ITGAM: variants seen among roughly 807,000 people sequenced by gnomAD.
The protein encoded by ITGAM is integrin alpha-M.
Under a neutral mutation model 137.5 loss-of-function variants are expected in ITGAM, and 79 were observed. The observed-to-expected ratio is 0.57, with a 90% CI of 0.48 to 0.69. The LOEUF (loss-of-function observed/expected upper bound fraction) is 0.69, where lower values mean the gene tolerates loss of function less well. Among genes scored for constraint, ITGAM ranks in the 30% least tolerant of loss-of-function variants. The pLI is 0.00. For synonymous variants in ITGAM, 583 were observed against 592.3 expected (o/e 0.98, Z 0.23); for missense variants, 1,343 against 1,483.5 (o/e 0.91, Z 1.56).
intron 12 of ITGAM, among the ~76,000 whole-genome samples, chr16:31,278,992 G>GT (rs1407317305): frequency 6.6e-6 from 1 of 152,064 alleles, no homozygotes; most frequent in East Asian, 1.9e-4. Context: ...GCAGTGTTTG[G>GT]TTTTCTGTGC....
chr16:31,299,574 G>C (rs1255834277), intron 14 of ITGAM, among the ~76,000 whole-genome samples: 1 of 152,188 alleles, frequency 6.6e-6, no homozygotes, highest in Middle Eastern at 3.4e-3. Flanking sequence ...CTCCCAAAGT[G>C]CTGGGATTAC....
chr16:31,308,591 C>CA (rs200124230), intron 14 of ITGAM, among the ~76,000 whole-genome samples: 8,380 of 151,964 alleles, frequency 0.055, 698 homozygotes, highest in African/African-American at 0.19. Flanking sequence ...CTGATCTTTT[C>CA]AAAAAAACCA....
chr16:31,307,500 A>G (rs548427361), intron 14 of ITGAM, among the ~76,000 whole-genome samples: 1 of 152,284 alleles, frequency 6.6e-6, no homozygotes, highest in East Asian at 1.9e-4. Flanking sequence ...TTGATTTTGT[A>G]TCCTGAGACT....
At chr16:31,279,228 T>G (rs1351799507) in intron 12 of ITGAM, among the ~76,000 whole-genome samples, 2 of 152,194 alleles carry the variant, frequency 1.3e-5, no homozygotes, top group Admixed American at 1.3e-4. Context: ...AGCAGCATGA[T>G]TTATAATTCT....
At chr16:31,299,339 T>C (rs2080171398) in intron 14 of ITGAM, among the ~76,000 whole-genome samples, 1 of 152,216 alleles carries the variant, frequency 6.6e-6, no homozygotes, top group South Asian at 2.1e-4. Context: ...GACAAAAGTT[T>C]CAGTCTGTCG....
At chr16:31,299,844 TCTCCTCCTC>T (rs148409269) in intron 14 of ITGAM, among the ~76,000 whole-genome samples, 2 of 110,308 alleles carry the variant, frequency 1.8e-5, no homozygotes, top group East Asian at 3.2e-4. Context: ...GTCGTCCTCC[TCTCCTCCTC>T]CTCCTCCTCC....
intron 5 of ITGAM, among the ~76,000 whole-genome samples, chr16:31,266,986 T>A (rs1231382897): frequency 6.6e-6 from 1 of 151,400 alleles, no homozygotes; most frequent in Non-Finnish European, 1.5e-5. Flanking sequence ...TCCTGCCCCA[T>A]CTTCCCAAGT....
chr16:31,329,367 T>A (rs769106185), intron 24 of ITGAM, 64 bp downstream of exon 24: 10 of 1,211,098 alleles, frequency 8.3e-6, no homozygotes, highest in Admixed American at 3.8e-5. Context: ...TGGTAGAAAA[T>A]GCAGAAACAG....
chr16:31,273,396 C>T lies in ITGAM; in HGVS notation c.736C>T (p.Arg246Ter), dbSNP rs770410338. The T allele has an allele frequency of 5.0e-6, 8 of 1,613,756 alleles. No individual in the cohort carries two copies. Among genetic ancestry groups the T allele is most frequent in the Admixed American group, 1.7e-5 (1 of 60,012 alleles). The change falls in exon 8 of 30, where the codon CGA (arginine) becomes TGA (stop). Residue 246 changes from arginine to a stop codon, truncating the protein, a stop_gained. Transcript: ENST00000544665. LOFTEE classifies it high-confidence loss of function. ...RELFNITNGA[R>*]KNAFKILVVI... Reference sequence around the variant, plus strand: ...GCTGTTTAACATCACCAACGGAGCCCGAAAGAATGCCTTTAAGATCCTAGT... The same window carrying T: ...GCTGTTTAACATCACCAACGGAGCCTGAAAGAATGCCTTTAAGATCCTAGT...
rs2080452066 is a variant in ITGAM at position 31,321,628 on chromosome 16, G to A, written c.2002+1G>A. ...AGCACACGGGATCGGCTAAGAGAAGGTGAGGCTTGGTGGATGAGTCTCAAG... is the reference window on the plus strand; with the variant it reads ...AGCACACGGGATCGGCTAAGAGAAGATGAGGCTTGGTGGATGAGTCTCAAG... On this transcript the variant is annotated splice_donor_variant, in intron 16 of 29. Transcript: ENST00000544665. LOFTEE classifies it high-confidence loss of function. 4 of 1,613,088 alleles carry A rather than the reference G, an allele frequency of 2.5e-6. No homozygotes were observed. Among genetic ancestry groups the A allele is most frequent in the Non-Finnish European group, 3.4e-6 (4 of 1,179,496 alleles).
chr16:31,328,609 G>C (rs984808070), intron 23 of ITGAM, among the ~76,000 whole-genome samples: 1 of 150,706 alleles, frequency 6.6e-6, no homozygotes, highest in African/African-American at 2.4e-5. Context: ...GAGGATCTAT[G>C]TGCATGTGTG....
chr16:31,275,681 A>G lies in ITGAM; in HGVS notation c.991A>G (p.Lys331Glu), dbSNP rs774005594. The G allele has an allele frequency of 3.7e-6, 6 of 1,613,680 alleles. No homozygotes were observed. In the South Asian group the frequency reaches 6.6e-5, roughly 18 times the overall value. Residue 331 changes from lysine to glutamate, a missense_variant, in exon 9 of 30, where the codon AAG (lysine) becomes GAG (glutamate). Lys to Glu is a moderately conservative substitution (Grantham distance 56). Coordinates refer to ENST00000544665, the MANE Select transcript of ITGAM (RefSeq NM_000632.4). Reference sequence around the variant, plus strand: ...GACCATTCAGAACCAGCTTCGGGAGAAGATCTTTGCGATCGAGGGTGAGTC... The same window carrying G: ...GACCATTCAGAACCAGCTTCGGGAGGAGATCTTTGCGATCGAGGGTGAGTC... ...LKTIQNQLRE[K>E]IFAIEGTQTG...
chr16:31,316,758 T>C lies in ITGAM; in HGVS notation c.1708-4483T>C, dbSNP rs147145934. Among the ~76,000 whole-genome samples, 493 of 152,320 alleles carry C rather than the reference T, an allele frequency of 3.2e-3. 5 individuals are homozygous for C. The highest frequency in any genetic ancestry group is 0.011 in the African/African-American group (458 of 41,562). On this transcript the variant is annotated intron_variant, in intron 14 of 29. Transcript: ENST00000544665. ...ATCCATAATATGGGATATCTTTCCATTGATTTTTGTCTTAACTTTCTTTCG... is the reference window on the plus strand; with the variant it reads ...ATCCATAATATGGGATATCTTTCCACTGATTTTTGTCTTAACTTTCTTTCG...
At position 31,297,628 on chromosome 16, in the gene ITGAM, G is replaced by T; in HGVS notation, c.1471G>T (p.Val491Leu). Reference protein sequence around the residue: ...HYYEQTRGGQVSVCPLPRGRA... With the variant: ...HYYEQTRGGQLSVCPLPRGRA... ...CTACGAGCAGACCCGAGGGGGCCAG[G>T]TGTCCGTGTGCCCCTTGCCCAGGGG... The change falls in exon 13 of 30, where the codon GTG becomes TTG. Residue 491 changes from valine to leucine, a missense_variant. Physicochemically the swap from Val to Leu is conservative, Grantham distance 32 (BLOSUM62 1). Coordinates refer to ENST00000544665, the MANE Select transcript of ITGAM (RefSeq NM_000632.4). 6.2e-7 allele frequency: 1 copy of T among 1,613,550 alleles called. No homozygotes were observed. The highest frequency in any genetic ancestry group is 8.5e-7 in the Non-Finnish European group (1 of 1,179,948).
chr16:31,284,259 G>A (rs967282119), intron 12 of ITGAM, among the ~76,000 whole-genome samples: 1 of 152,230 alleles, frequency 6.6e-6, no homozygotes. Context: ...AAAGCTGTCA[G>A]ACAGGGACAT....
chr16:31,325,111 G>T, intron 19 of ITGAM, 80 bp downstream of exon 19: 2 of 1,481,594 alleles, frequency 1.3e-6, no homozygotes, highest in East Asian at 2.3e-5. Context: ...GGCCCCCAAG[G>T]GAGCCGGGTG....
At chr16:31,320,264 T>C (rs921719221) in intron 14 of ITGAM, among the ~76,000 whole-genome samples, 1 of 152,236 alleles carries the variant, frequency 6.6e-6, no homozygotes, top group Non-Finnish European at 1.5e-5. Context: ...CTACACGTTT[T>C]ACGTTATTGA....
intron 5 of ITGAM, among the ~76,000 whole-genome samples, chr16:31,266,584 G>A (rs1005905665): frequency 9.2e-5 from 14 of 151,698 alleles, no homozygotes; most frequent in Non-Finnish European, 1.6e-4. Flanking sequence ...TTAGCCAGGC[G>A]TGGTGGCACA....
At chr16:31,329,023 T>A in intron 23 of ITGAM, 1 of 632,106 alleles carries the variant, frequency 1.6e-6, no homozygotes, top group Non-Finnish European at 2.8e-6. Flanking sequence ...TGTGCACGTG[T>A]GTGTGAGTGG....
Sources: gnomAD v4.1 joint callset for allele counts (sites outside exome capture counted in the v4.1 genomes callset) on GRCh38, gnomAD v4.1.1 for gene constraint, MANE v1.5 for transcripts, NCBI Gene and HGNC (gene_info 2026-07-23, HGNC 2026-07-21) for gene names.